ASIP: variants seen among roughly 807,000 people sequenced by gnomAD.
The protein encoded by ASIP is agouti signaling protein.
In ASIP, 11 loss-of-function variants were observed where a neutral mutation model predicts 10.3. The ratio of observed to expected loss-of-function variants is 1.07; its 90% confidence interval spans 0.68 to 1.78. The LOEUF is 1.78. Ranked by LOEUF, ASIP falls within the 40% of genes most tolerant of loss-of-function variation. ASIP has a pLI of 0.00. For missense variants in ASIP, 180 were observed against 169.2 expected (o/e 1.06, Z -0.35); for synonymous variants, 70 against 70.8 (o/e 0.99, Z 0.06).
chr20:34,208,645 C>T (rs1452268271), intron 1 of ASIP, among the ~76,000 whole-genome samples: 3 of 152,222 alleles, frequency 2.0e-5, no homozygotes, highest in Non-Finnish European at 4.4e-5. Flanking sequence ...GAGCGATACA[C>T]AGCACCTGGC....
intron 1 of ASIP, among the ~76,000 whole-genome samples, chr20:34,201,509 A>G (rs1401978438): frequency 6.6e-6 from 1 of 152,214 alleles, no homozygotes; most frequent in African/African-American, 2.4e-5. Context: ...TTTCACATTG[A>G]AATGATACAA....
chr20:34,222,580 C>T (rs993771249), intron 1 of ASIP, among the ~76,000 whole-genome samples: 37 of 152,196 alleles, frequency 2.4e-4, no homozygotes, highest in African/African-American at 7.0e-4. Context: ...GAAGTGGGAC[C>T]CAGGAATCTT....
intron 1 of ASIP, among the ~76,000 whole-genome samples, chr20:34,217,444 A>G (rs977941218): frequency 6.6e-6 from 1 of 151,826 alleles, no homozygotes; most frequent in African/African-American, 2.4e-5. Flanking sequence ...ACTCAAAAAA[A>G]GAAAAAAAGA....
chr20:34,221,235 G>A (rs541261785), intron 1 of ASIP, among the ~76,000 whole-genome samples: 97 of 151,856 alleles, frequency 6.4e-4, no homozygotes, highest in Non-Finnish European at 1.3e-3. Context: ...AAAATTAGCC[G>A]GGTGTGGTGG....
At chr20:34,258,688 T>TATATATATATATATATATAC (rs1277541256) in intron 1 of ASIP, among the ~76,000 whole-genome samples, 1 of 66,572 alleles carries the variant, frequency 1.5e-5, no homozygotes, top group Non-Finnish European at 2.3e-5. Context: ...TATATATATA[T>TATATATATATATATATATAC]ATACATACTA....
intron 1 of ASIP, among the ~76,000 whole-genome samples, chr20:34,219,067 G>C (rs1217656460): frequency 6.6e-6 from 1 of 152,144 alleles, no homozygotes; most frequent in Non-Finnish European, 1.5e-5. Flanking sequence ...ATAGGCAGTT[G>C]TATAGACTTC....
At chr20:34,238,782 G>A (rs984925269), upstream of ASIP, among the ~76,000 whole-genome samples, 1 of 152,106 alleles carries the variant, frequency 6.6e-6, no homozygotes, top group East Asian at 1.9e-4. Flanking sequence ...TAGAAACCAG[G>A]TTCTCCCCTT....
intron 1 of ASIP, chr20:34,250,288 G>A (rs1242662522): frequency 6.6e-6 from 1 of 152,266 alleles, no homozygotes; most frequent in Non-Finnish European, 1.5e-5. Context: ...TGAACACCTA[G>A]TATGGTCAGC....
Position 34,257,165 on chromosome 20 carries a change from C to T in ASIP, c.-10-3200C>T, listed in dbSNP as rs574451248. On this transcript the variant is annotated intron_variant, in intron 1 of 3. Coordinates refer to ENST00000374954, the MANE Select transcript of ASIP (RefSeq NM_001672.3). The stretch of plus-strand genomic sequence containing the variant: ...GTGGTACGATCTCAGCTCACTGCAA[C>T]TTCCTCCCCCTGGGTTCAGGCGATT... 8.7e-4 allele frequency among the ~76,000 whole-genome samples: 132 copies of T among 151,594 alleles called. 1 individual carries two copies. The highest frequency in any genetic ancestry group is 7.7e-3 in the South Asian group (37 of 4,814).
chr20:34,204,147 A>G (rs1161789044), intron 1 of ASIP, among the ~76,000 whole-genome samples: 2 of 152,072 alleles, frequency 1.3e-5, no homozygotes, highest in African/African-American at 4.8e-5. Flanking sequence ...TAATTCTTAT[A>G]GTTTATTTAT....
intron 1 of ASIP, among the ~76,000 whole-genome samples, chr20:34,228,027 G>C (rs1210362284): frequency 6.6e-6 from 1 of 152,160 alleles, no homozygotes; most frequent in Non-Finnish European, 1.5e-5. Flanking sequence ...GGAACAGTTA[G>C]CCATATGCAA....
At chr20:34,256,136 G>A (rs1361303129) in intron 1 of ASIP, among the ~76,000 whole-genome samples, 2 of 152,156 alleles carry the variant, frequency 1.3e-5, no homozygotes, top group Non-Finnish European at 2.9e-5. Context: ...AGAAATAATG[G>A]CATAAACTGT....
upstream of ASIP, among the ~76,000 whole-genome samples, chr20:34,191,538 C>T (rs2034824288): frequency 6.6e-6 from 1 of 152,182 alleles, no homozygotes; most frequent in Admixed American, 6.5e-5. Context: ...GCCTCAAAGC[C>T]AGGCTCAGGA....
intron 1 of ASIP, among the ~76,000 whole-genome samples, chr20:34,200,577 T>C (rs935570161): frequency 6.6e-6 from 1 of 152,266 alleles, no homozygotes; most frequent in African/African-American, 2.4e-5. Context: ...TTTGAAGTCA[T>C]GTGCATTGCA....
intron 1 of ASIP, among the ~76,000 whole-genome samples, chr20:34,223,128 A>G (rs1184944541): frequency 7.0e-6 from 1 of 142,442 alleles, no homozygotes; most frequent in Non-Finnish European, 1.5e-5. Context: ...CTGGCTGCCC[A>G]GTCTGGAAAG....
At chr20:34,200,734 G>A (rs1452353626) in intron 1 of ASIP, among the ~76,000 whole-genome samples, 19 of 152,196 alleles carry the variant, frequency 1.2e-4, no homozygotes, top group Admixed American at 1.2e-3. Context: ...GCACTTACTA[G>A]CAACCTAAGA....
intron 1 of ASIP, among the ~76,000 whole-genome samples, chr20:34,253,998 T>TACA (rs2035527600): frequency 2.0e-5 from 3 of 152,184 alleles, no homozygotes; most frequent in African/African-American, 7.2e-5. Context: ...GAAAGACAGT[T>TACA]GAGAAACCCA....
intron 1 of ASIP, among the ~76,000 whole-genome samples, chr20:34,259,795 A>G (rs1310382214): frequency 6.6e-6 from 1 of 151,916 alleles, no homozygotes; most frequent in Non-Finnish European, 1.5e-5. Context: ...ACATAAATCC[A>G]GGGGGCCTAT....
At chr20:34,226,790 T>C (rs1032192216) in intron 1 of ASIP, among the ~76,000 whole-genome samples, 1 of 152,206 alleles carries the variant, frequency 6.6e-6, no homozygotes, top group Non-Finnish European at 1.5e-5. Context: ...GGTCTTGCTA[T>C]GTTGACCAGG....
Sources: allele counts gnomAD v4.1 joint callset (sites outside exome capture counted in the v4.1 genomes callset), GRCh38; gene constraint gnomAD v4.1.1; transcripts MANE v1.5; gene names NCBI Gene and HGNC (gene_info 2026-07-23, HGNC 2026-07-21).